ZIM2: variants seen among roughly 807,000 people sequenced by gnomAD.
ZIM2 encodes zinc finger protein 656.
Under a neutral mutation model 38.6 loss-of-function variants are expected in ZIM2, and 14 were observed. The observed-to-expected ratio is 0.36, with a 90% CI of 0.24 to 0.57. The LOEUF is 0.57. Among genes scored for constraint, ZIM2 ranks in the 20% least tolerant of loss-of-function variants. ZIM2 has a pLI of 0.81. For missense variants in ZIM2, 680 were observed against 695.1 expected, an observed-to-expected ratio of 0.98 and a Z score of 0.24; for synonymous variants, 247 against 245.8, an observed-to-expected ratio of 1.00 and a Z score of -0.04.
chr19:56,816,799 G>A (rs1200148515), intron 9 of ZIM2: 1 of 1,614,026 alleles, frequency 6.2e-7, no homozygotes, highest in Non-Finnish European at 8.5e-7. Context: ...ACTAAAGGTG[G>A]GGCTAGGCAT....
In ZIM2 at chr19:56,775,386, T is replaced by G; in HGVS notation, c.979A>C (p.Lys327Gln). Residue 327 changes from lysine to glutamine, a missense_variant, in exon 13 of 13, where the codon AAA (lysine) becomes CAA (glutamine). By Grantham distance (53) the Lys-to-Gln change is moderately conservative (BLOSUM62 1). Coordinates refer to ENST00000629319, the MANE Select transcript of ZIM2 (RefSeq NM_001387356.1). ...TTTCCTAGAGGATCCTTTGATTGTT[T>G]ACTAAGATTAGAGCTTCTCTCAAAT... ...DEFERSSNLS[K>Q]QSKDPLGKDP... The G allele has an allele frequency of 6.2e-7, 1 of 1,614,212 alleles. No homozygotes were observed. Among genetic ancestry groups the G allele is most frequent in the Non-Finnish European group, 8.5e-7 (1 of 1,180,016 alleles).
At position 56,836,485 on chromosome 19, in the gene ZIM2, G is replaced by A. The variant is rs767395616; in HGVS notation, c.-313-381C>T. Among the ~76,000 whole-genome samples the A allele has an allele frequency of 2.6e-5, 4 of 152,060 alleles. No homozygotes were observed. The East Asian group carries it at 5.8e-4, about 22-fold the overall frequency. On this transcript the variant is annotated intron_variant, in intron 1 of 12. Coordinates refer to ENST00000629319, the MANE Select transcript of ZIM2 (RefSeq NM_001387356.1). ...ATTAGGTAATAGTACCCTTTATCAC[G>A]TAAAATATTTTAGGGTTTATCAACA...
intron 8 of ZIM2, 57 bp downstream of exon 8, chr19:56,818,543 G>C: frequency 6.3e-7 from 1 of 1,581,644 alleles, no homozygotes; most frequent in South Asian, 1.1e-5. Context: ...AAAGGAGCAA[G>C]ATGACAAAAT....
chr19:56,792,952 C>T (rs1349875308), intron 9 of ZIM2: 1 of 152,690 alleles, frequency 6.5e-6, no homozygotes. Flanking sequence ...GCCAGGCATA[C>T]AGCAGATATT....
chr19:56,821,364 C>G (rs1195619869), intron 7 of ZIM2, among the ~76,000 whole-genome samples: 2 of 152,214 alleles, frequency 1.3e-5, no homozygotes, highest in African/African-American at 4.8e-5. Context: ...CAGAGTCACT[C>G]TGCTTCCCTG....
chr19:56,830,839 G>C (rs2061503155), intron 2 of ZIM2, among the ~76,000 whole-genome samples: 2 of 152,124 alleles, frequency 1.3e-5, no homozygotes, highest in South Asian at 4.1e-4. Flanking sequence ...AGAGGCTGAT[G>C]CAGGGGGGCC....
At chr19:56,824,488 T>C in intron 3 of ZIM2, 61 bp from the exon 4 acceptor site, 1 of 1,614,076 alleles carries the variant, frequency 6.2e-7, no homozygotes, top group Non-Finnish European at 8.5e-7. Context: ...GCCCAACAAA[T>C]TCCACATAGA....
intron 7 of ZIM2, among the ~76,000 whole-genome samples, chr19:56,819,694 GTATC>G (rs1309702087): frequency 6.6e-6 from 1 of 152,194 alleles, no homozygotes; most frequent in Admixed American, 6.5e-5. Context: ...GGGGAGAAGA[GTATC>G]TATCTGCTTT....
intron 2 of ZIM2, among the ~76,000 whole-genome samples, chr19:56,830,263 A>T (rs1460663928): frequency 6.6e-6 from 1 of 152,266 alleles, no homozygotes; most frequent in Admixed American, 6.5e-5. Flanking sequence ...CAAAGTCCAA[A>T]TAATAGCCCA....
At position 56,774,564 on chromosome 19, in the gene ZIM2, C is replaced by T. The variant is rs62130772; in HGVS notation, c.*124G>A. Reference sequence around the variant, plus strand: ...ATTGCAACTTTTTTTTTTTTTTTACCACACTTTGATGAATGTTCAAGTTGT... The same window carrying T: ...ATTGCAACTTTTTTTTTTTTTTTACTACACTTTGATGAATGTTCAAGTTGT... On this transcript the variant is annotated 3_prime_UTR_variant, in exon 13 of 13. Coordinates refer to ENST00000629319, the MANE Select transcript of ZIM2 (RefSeq NM_001387356.1). 5.9e-6 allele frequency: 8 copies of T among 1,350,990 alleles called. No individual in the cohort carries two copies. The Admixed American group carries it at 1.9e-4, about 31-fold the overall frequency. The allele number at this position is 1,350,990 out of a possible 1,614,324, so 83.7% of individuals were successfully genotyped here.
At chr19:56,782,520 TAAAC>T (rs773321657) in intron 10 of ZIM2, 2 of 443,924 alleles carry the variant, frequency 4.5e-6, no homozygotes. Context: ...ATCTTGTTAA[TAAAC>T]AAGGAGATGA....
In ZIM2 at chr19:56,813,949, A is replaced by G. The variant is rs2059729649; in HGVS notation, c.490+3797T>C. On this transcript the variant is annotated intron_variant, in intron 9 of 12. Coordinates refer to ENST00000629319, the MANE Select transcript of ZIM2 (RefSeq NM_001387356.1). ...GTCATAGTATGGTTCTTCTACCTGA[A>G]TCTCTTGATCTTCACCTTCTTCTGG... The G allele has an allele frequency of 3.1e-6, 5 of 1,613,948 alleles. No homozygotes were observed. The highest frequency in any genetic ancestry group is 1.7e-5 in the Admixed American group (1 of 60,010).
intron 10 of ZIM2, chr19:56,782,344 C>A: frequency 1.8e-6 from 1 of 554,392 alleles, no homozygotes; most frequent in Non-Finnish European, 3.2e-6. Flanking sequence ...TCCTTTTAAG[C>A]CACTTTATAA....
intron 10 of ZIM2, among the ~76,000 whole-genome samples, chr19:56,782,957 T>C (rs947796778): frequency 3.3e-5 from 5 of 152,062 alleles, no homozygotes; most frequent in Admixed American, 6.6e-5. Flanking sequence ...GTAGGTCTTA[T>C]TCATTCTTTC....
chr19:56,775,584 C>G, intron 12 of ZIM2, 55 bp from the exon 13 acceptor site: 1 of 1,528,622 alleles, frequency 6.5e-7, no homozygotes, highest in Non-Finnish European at 8.7e-7. Context: ...TCCTGCCCCC[C>G]AATAATGATA....
chr19:56,794,791 A>G (rs1021701796), intron 9 of ZIM2, among the ~76,000 whole-genome samples: 2 of 152,066 alleles, frequency 1.3e-5, no homozygotes, highest in African/African-American at 4.8e-5. Context: ...AATTTTTCAC[A>G]ATTTTTTGGA....
chr19:56,781,184 C>T (rs148759669), intron 11 of ZIM2, among the ~76,000 whole-genome samples: 121 of 152,244 alleles, frequency 7.9e-4, no homozygotes, highest in Non-Finnish European at 1.4e-3. Context: ...CATCCCTGTG[C>T]TAGGTTTGGG....
rs779213513 is a variant in ZIM2 at position 56,814,214 on chromosome 19, CA to C, written c.490+3531del. ...GGCTCAGCAGCCTCCACTTCTGGCT[CA>C]GCAGCCTCCACTTCTGGCTCGGCAG... is the stretch of plus-strand genomic sequence containing the variant. On this transcript the variant is annotated intron_variant, in intron 9 of 12. Coordinates refer to ENST00000629319, the MANE Select transcript of ZIM2 (RefSeq NM_001387356.1). The surrounding 1 kb of genome is among the most constrained non-coding windows in gnomAD (Gnocchi z 5.8). 1.9e-6 allele frequency: 3 copies of C among 1,613,500 alleles called. No individual in the cohort carries two copies. The highest frequency in any genetic ancestry group is 4.5e-5 in the East Asian group (2 of 44,872).
intron 2 of ZIM2, among the ~76,000 whole-genome samples, chr19:56,830,203 T>C (rs1305677823): frequency 6.6e-6 from 1 of 152,224 alleles, no homozygotes; most frequent in African/African-American, 2.4e-5. Flanking sequence ...AGGTGTTCAA[T>C]AAACATTATT....
Sources: gnomAD v4.1 joint callset for allele counts (sites outside exome capture counted in the v4.1 genomes callset) on GRCh38, gnomAD v4.1.1 for gene constraint, Gnocchi (gnomAD v3.1) non-coding constraint, MANE v1.5 for transcripts, NCBI Gene and HGNC (gene_info 2026-07-23, HGNC 2026-07-21) for gene names.